The following INTS6 variants were observed in gnomAD, a reference collection of about 807,000 sequenced individuals.
The protein encoded by INTS6 is integrator complex subunit 6.
A neutral mutation model predicts 104.9 loss-of-function variants in INTS6; 16 were observed. The observed-to-expected ratio is 0.15, with a 90% confidence interval of 0.10 to 0.23. INTS6 has a LOEUF of 0.23. Ranked by LOEUF, INTS6 falls within the 10% of genes least tolerant of loss-of-function variation. The pLI is 1.00. For synonymous variants in INTS6, 324 were observed against 358.7 expected (o/e 0.90, Z 1.09); for missense variants, 584 against 1,062.8 (o/e 0.55, Z 6.26).
intron 3 of INTS6, chr13:51,437,206 A>G (rs938752783): frequency 6.6e-6 from 1 of 152,272 alleles, no homozygotes; most frequent in African/African-American, 2.4e-5. Flanking sequence ...TTATACAGCA[A>G]TAATGGTAAA....
chr13:51,383,684 C>T lies in INTS6; in HGVS notation c.952G>A (p.Val318Ile). The change falls in exon 8 of 18, where the codon GTT (valine) becomes ATT (isoleucine). Residue 318 changes from valine (V) to isoleucine (I), a missense_variant. Around this residue, in one of 5 missense-constraint regions of INTS6, gnomAD observed 144 missense variants for 348.7 expected, o/e 0.41. Transcript: ENST00000311234. Reference sequence around the variant, plus strand: ...TTGTCAAAAGGAAGTTTATCAATAACCATTGGTTCACAGTCTGTACAGGAA... The same window carrying T: ...TTGTCAAAAGGAAGTTTATCAATAATCATTGGTTCACAGTCTGTACAGGAA... ...KFSCTDCEPM[V>I]IDKLPFDKYE... The T allele has an allele frequency of 6.2e-7, 1 of 1,613,794 alleles. No individual in the cohort carries two copies. The highest frequency in any genetic ancestry group is 8.5e-7 in the Non-Finnish European group (1 of 1,179,808).
the INTS6 span, chr13:51,344,209 T>A: frequency 6.9e-7 from 1 of 1,457,118 alleles, no homozygotes; most frequent in South Asian, 1.2e-5. Flanking sequence ...AACTCCTTAC[T>A]CACACTCACC....
At chr13:51,437,530 A>G (rs1952713788) in intron 3 of INTS6, 1 of 152,254 alleles carries the variant, frequency 6.6e-6, no homozygotes. Context: ...TTCTATATAA[A>G]TATCTTAAAG....
At chr13:51,410,345 T>A (rs1956661443) in intron 4 of INTS6, among the ~76,000 whole-genome samples, 1 of 152,198 alleles carries the variant, frequency 6.6e-6, no homozygotes, top group Non-Finnish European at 1.5e-5. Context: ...ACCACAGTAG[T>A]TGACACCATG....
At chr13:51,379,684 C>A in intron 10 of INTS6, 112 bp from the exon 11 acceptor site, 1 of 514,270 alleles carries the variant, frequency 1.9e-6, no homozygotes, top group Non-Finnish European at 3.4e-6. Context: ...TTCTTTTCCT[C>A]AATAAGGAAG....
At chr13:51,448,797 G>A (rs369596816) in intron 3 of INTS6, 13 of 151,930 alleles carry the variant, frequency 8.6e-5, no homozygotes, top group African/African-American at 2.9e-4. Context: ...AACTACTAAC[G>A]TTACATACAA....
At position 51,428,917 on chromosome 13, in the gene INTS6, C is replaced by A. The variant is rs1288144623; in HGVS notation, c.429+1377G>T. On this transcript the variant is annotated intron_variant, in intron 4 of 17. Transcript: ENST00000311234. ...TTAGCTCTTTTCCCCCAAATAAGAG[C>A]AGAGAATTATATCTCTTTAGTGGTT... Among the ~76,000 whole-genome samples, 3 of 152,120 alleles carry A rather than the reference C, an allele frequency of 2.0e-5. No individual in the cohort carries two copies. The East Asian group carries it at 5.8e-4, about 29-fold the overall frequency.
At position 51,363,371 on chromosome 13, in the gene INTS6, A is replaced by G. The variant is rs1955620967; in HGVS notation, c.*2381T>C. On this transcript the variant is annotated 3_prime_UTR_variant, in exon 18 of 18. Transcript: ENST00000311234. ...GGGAGGCATTAGCCTACATCACACA[A>G]CACAGTGGCTGCTCTTCTGGTGATG... is the stretch of plus-strand genomic sequence containing the variant. 1.3e-5 allele frequency: 2 copies of G among 151,874 alleles called. No homozygotes were observed. Among genetic ancestry groups the G allele is most frequent in the Admixed American group, 6.6e-5 (1 of 15,218 alleles). 9.4% of individuals were successfully genotyped at this position (151,874 alleles called of 1,614,324 possible).
chr13:51,452,979 G>A lies in INTS6; in HGVS notation c.-454C>T. Reference sequence around the variant, plus strand: ...TGGGGCTGTTGGGAGAAGTTTCAGGGACTCCCTCCGCACCCCGGCGGTGTC... The same window carrying A: ...TGGGGCTGTTGGGAGAAGTTTCAGGAACTCCCTCCGCACCCCGGCGGTGTC... On this transcript the variant is annotated 5_prime_UTR_variant, in exon 1 of 18. Coordinates refer to ENST00000311234, the MANE Select transcript of INTS6 (RefSeq NM_012141.3). This position sits in a 1 kb window ranked among gnomAD's most constrained non-coding sequence, Gnocchi z 4.2. 4 of 1,010,188 alleles carry A rather than the reference G, an allele frequency of 4.0e-6. No individual in the cohort carries two copies. Among genetic ancestry groups the A allele is most frequent in the South Asian group, 3.6e-5 (1 of 27,452 alleles). The allele number at this position is 1,010,188 out of a possible 1,614,324, so 62.6% of individuals were successfully genotyped here. A position where few individuals can be genotyped will look rare whatever the true frequency, so the allele number is the denominator to read the frequency against.
chr13:51,412,465 TC>T (rs35620359), intron 4 of INTS6, among the ~76,000 whole-genome samples: 3 of 152,130 alleles, frequency 2.0e-5, no homozygotes, highest in African/African-American at 7.2e-5. Flanking sequence ...TCAGAATACT[TC>T]CCTAAAGATC....
Position 51,375,977 on chromosome 13 carries a change from C to T in INTS6, c.1729+71G>A, listed in dbSNP as rs1955922830. ...TGTAATAATTCTTTGAAATTTACAT[C>T]ACCATGCTATGCTTTTTCAGACTAT... On this transcript the variant is annotated intron_variant, in intron 13 of 17. Coordinates refer to ENST00000311234, the MANE Select transcript of INTS6 (RefSeq NM_012141.3). The T allele has an allele frequency of 6.3e-6, 8 of 1,278,694 alleles. No homozygotes were observed. In the South Asian group the frequency reaches 1.3e-4, roughly 21 times the overall value. The allele number at this position is 1,278,694 out of a possible 1,614,324, so 79.2% of individuals were successfully genotyped here.
intron 13 of INTS6, among the ~76,000 whole-genome samples, chr13:51,375,766 T>C (rs534094498): frequency 0.019 from 2,759 of 147,270 alleles, 23 homozygotes; most frequent in South Asian, 0.032. Flanking sequence ...TGTGTGTGTG[T>C]GCGCGCGCGT....
At chr13:51,405,030 T>C (rs1956535552) in intron 4 of INTS6, among the ~76,000 whole-genome samples, 1 of 152,128 alleles carries the variant, frequency 6.6e-6, no homozygotes, top group African/African-American at 2.4e-5. Flanking sequence ...AATAAATGAT[T>C]AGGGGACAAA....
downstream of INTS6, among the ~76,000 whole-genome samples, chr13:51,358,594 G>T (rs541047958): frequency 4.1e-4 from 62 of 152,234 alleles, no homozygotes; most frequent in Non-Finnish European, 7.1e-4. Context: ...GTGGTAAGGG[G>T]TGTCTATTAT....
At chr13:51,367,077 G>A (rs557044496) in intron 17 of INTS6, among the ~76,000 whole-genome samples, 6 of 151,842 alleles carry the variant, frequency 4.0e-5, no homozygotes, top group South Asian at 4.1e-4. Context: ...TAAAATCCAC[G>A]AATGCTCAAG....
At chr13:51,398,730 A>T (rs940163340) in intron 4 of INTS6, among the ~76,000 whole-genome samples, 11 of 131,396 alleles carry the variant, frequency 8.4e-5, no homozygotes, top group Admixed American at 3.1e-4. Context: ...TAAGATGTTT[A>T]AAAAAAAAAA....
chr13:51,375,835 T>C (rs1034591602), intron 13 of INTS6, among the ~76,000 whole-genome samples: 5 of 152,136 alleles, frequency 3.3e-5, no homozygotes, highest in African/African-American at 1.2e-4. Flanking sequence ...AGAAAGGTTG[T>C]TACCTCTAGG....
At chr13:51,348,064 T>C in the INTS6 span, 4 of 619,762 alleles carry the variant, frequency 6.5e-6, no homozygotes, top group Admixed American at 1.2e-4. Context: ...CGCCCAACAG[T>C]CTTTGGCCTG....
At chr13:51,438,426 T>C (rs187334415) in intron 3 of INTS6, 16 of 152,222 alleles carry the variant, frequency 1.1e-4, no homozygotes, top group African/African-American at 3.9e-4. Context: ...GAAATGCACT[T>C]CATGAAGAAG....
Sources: allele counts gnomAD v4.1 joint callset (sites outside exome capture counted in the v4.1 genomes callset), GRCh38; gene constraint gnomAD v4.1.1; regional missense constraint gnomAD v4.1.1; non-coding constraint Gnocchi (gnomAD v3.1); transcripts MANE v1.5; gene names NCBI Gene and HGNC (gene_info 2026-07-23, HGNC 2026-07-21).